Variants in CAMKMT observed in about 807,000 individuals in gnomAD.
CAMKMT encodes the protein calmodulin-lysine N-methyltransferase, also known as CaM KMT.
In CAMKMT, 53 loss-of-function variants were observed where a neutral mutation model predicts 48.0. That is an observed-to-expected ratio of 1.10 (90% CI 0.89 to 1.39). CAMKMT has a LOEUF of 1.39. Among genes scored for constraint, CAMKMT ranks in the 40% most tolerant of loss-of-function variants. The pLI, the probability that CAMKMT is intolerant of heterozygous loss-of-function variation, is 0.00. For missense variants in CAMKMT, 428 were observed against 402.7 expected, an observed-to-expected ratio of 1.06 and a Z score of -0.54; for synonymous variants, 165 against 152.3, an observed-to-expected ratio of 1.08 and a Z score of -0.61.
rs1679310647 is a variant in CAMKMT, at chr2:44,372,766, A to C, written c.189A>C (p.Arg63Ser). The C allele has an allele frequency of 3.7e-6, 6 of 1,613,732 alleles. No individual in the cohort carries two copies. The highest frequency in any genetic ancestry group is 5.1e-6 in the Non-Finnish European group (6 of 1,179,888). ...ATTGCCTGCGACATGTATCTGTAAG[A>C]AGATTTGAATCATTTAATCTGTTTT... The part of the protein sequence containing the change: ...LDDCLRHVSV[R>S]RFESFNLFSV... Residue 63 changes from arginine to serine, a missense_variant, in exon 2 of 11, where the codon AGA becomes AGC. Physicochemically the swap from Arg to Ser is moderately radical, Grantham distance 110. Transcript: ENST00000378494.
At chr2:44,593,330 T>C (rs1670427628) in intron 3 of CAMKMT, among the ~76,000 whole-genome samples, 1 of 152,236 alleles carries the variant, frequency 6.6e-6, no homozygotes, top group African/African-American at 2.4e-5. Context: ...TCCTGTAGTT[T>C]TCTCAGATAC....
At chr2:44,418,070 T>A (rs1683684964) in intron 3 of CAMKMT, among the ~76,000 whole-genome samples, 1 of 151,488 alleles carries the variant, frequency 6.6e-6, no homozygotes, top group Non-Finnish European at 1.5e-5. Context: ...CACGTGCCTA[T>A]AATCCCAAAT....
At chr2:44,552,745 A>G (rs890949277) in intron 3 of CAMKMT, among the ~76,000 whole-genome samples, 1 of 152,224 alleles carries the variant, frequency 6.6e-6, no homozygotes, top group Non-Finnish European at 1.5e-5. Flanking sequence ...GTCATATGGT[A>G]TGTGATGGTA....
intron 3 of CAMKMT, among the ~76,000 whole-genome samples, chr2:44,492,168 T>C (rs145203293): frequency 6.6e-6 from 1 of 152,104 alleles, no homozygotes; most frequent in Non-Finnish European, 1.5e-5. Context: ...ATAAAACATT[T>C]GAGTTTTTTT....
At position 44,599,470 on chromosome 2, in the gene CAMKMT, A is replaced by C. The variant is rs58135248; in HGVS notation, c.377-104813A>C. On this transcript the variant is annotated intron_variant, in intron 3 of 10. Coordinates refer to ENST00000378494, the MANE Select transcript of CAMKMT (RefSeq NM_024766.5). ...AGCTGGAAAAAATGTAGATACATCAATATCGTTTTCCTTTAGAGCCCATTT... is the reference window on the plus strand; with the variant it reads ...AGCTGGAAAAAATGTAGATACATCACTATCGTTTTCCTTTAGAGCCCATTT... Among the ~76,000 whole-genome samples the C allele has an allele frequency of 1.7e-3, 265 of 152,204 alleles. 2 individuals carry two copies. The highest frequency in any genetic ancestry group is 5.7e-3 in the African/African-American group (237 of 41,472).
chr2:44,768,702 C>T (rs1227686681), intron 10 of CAMKMT, among the ~76,000 whole-genome samples: 1 of 152,204 alleles, frequency 6.6e-6, no homozygotes, highest in Non-Finnish European at 1.5e-5. Flanking sequence ...CCGCCGGGAG[C>T]CTCCACCCTG....
At chr2:44,747,483 G>C (rs1306990129) in intron 8 of CAMKMT, among the ~76,000 whole-genome samples, 2 of 152,166 alleles carry the variant, frequency 1.3e-5, no homozygotes, top group African/African-American at 4.8e-5. Flanking sequence ...AATCACCCAA[G>C]ATTGCTCAAC....
chr2:44,426,665 A>G (rs1684295881), intron 3 of CAMKMT, among the ~76,000 whole-genome samples: 1 of 152,210 alleles, frequency 6.6e-6, no homozygotes, highest in Non-Finnish European at 1.5e-5. Context: ...TGCTGAAAGA[A>G]ATTATAGATG....
intron 3 of CAMKMT, among the ~76,000 whole-genome samples, chr2:44,458,077 C>T (rs1245475683): frequency 1.5e-5 from 2 of 135,980 alleles, no homozygotes; most frequent in South Asian, 2.3e-4. Context: ...GCCAGAGTCT[C>T]GCTCTGTTGC....
intron 3 of CAMKMT, among the ~76,000 whole-genome samples, chr2:44,420,514 C>G (rs1683861569): frequency 6.6e-6 from 1 of 151,856 alleles, no homozygotes; most frequent in Admixed American, 6.6e-5. Flanking sequence ...TGATGAAAAT[C>G]CATGTATATG....
chr2:44,652,512 A>G (rs780844754), intron 3 of CAMKMT, among the ~76,000 whole-genome samples: 26 of 152,308 alleles, frequency 1.7e-4, no homozygotes, highest in Non-Finnish European at 2.6e-4. Flanking sequence ...AAGCTTGATT[A>G]TGCCTCTATG....
At chr2:44,563,840 G>T (rs558898544) in intron 3 of CAMKMT, among the ~76,000 whole-genome samples, 119 of 152,280 alleles carry the variant, frequency 7.8e-4, no homozygotes, top group African/African-American at 2.7e-3. Context: ...ATTCCGTGGT[G>T]TATATGTGCC....
intron 3 of CAMKMT, among the ~76,000 whole-genome samples, chr2:44,392,735 G>A (rs979615032): frequency 2.0e-5 from 3 of 151,606 alleles, no homozygotes; most frequent in East Asian, 3.9e-4. Flanking sequence ...TTTCCTGGCC[G>A]ATTTTTTAAT....
intron 3 of CAMKMT, among the ~76,000 whole-genome samples, chr2:44,696,161 T>C (rs963788197): frequency 1.3e-5 from 2 of 152,162 alleles, no homozygotes; most frequent in Admixed American, 1.3e-4. Context: ...CAGGGTTGTC[T>C]TGAACTCCTG....
At chr2:44,708,119 T>TG (rs1340878336) in intron 6 of CAMKMT, among the ~76,000 whole-genome samples, 2 of 151,742 alleles carry the variant, frequency 1.3e-5, no homozygotes, top group Admixed American at 1.3e-4. Context: ...CAAGCATAAA[T>TG]GTAGCTACTT....
intron 2 of CAMKMT, among the ~76,000 whole-genome samples, chr2:44,374,346 C>G (rs1679472246): frequency 6.6e-6 from 1 of 151,950 alleles, no homozygotes; most frequent in Admixed American, 6.6e-5. Flanking sequence ...TTGATGTATT[C>G]CATTTCAAGT....
At chr2:44,474,459 A>AG in intron 3 of CAMKMT, among the ~76,000 whole-genome samples, 1 of 152,098 alleles carries the variant, frequency 6.6e-6, no homozygotes, top group East Asian at 1.9e-4. Context: ...AAAAAAAAAA[A>AG]AAAAGAAAAA....
intron 3 of CAMKMT, among the ~76,000 whole-genome samples, chr2:44,537,996 C>G (rs770710976): frequency 1.3e-5 from 2 of 152,160 alleles, no homozygotes; most frequent in African/African-American, 4.8e-5. Flanking sequence ...AAGGCACATG[C>G]ACACATGTGT....
chr2:44,749,242 G>A (rs1159158677), intron 8 of CAMKMT, among the ~76,000 whole-genome samples: 1 of 152,162 alleles, frequency 6.6e-6, no homozygotes, highest in Non-Finnish European at 1.5e-5. Flanking sequence ...CTTATAAGCT[G>A]CTCTCCTCAG....
Sources: gnomAD v4.1 joint callset for allele counts (sites outside exome capture counted in the v4.1 genomes callset) on GRCh38, gnomAD v4.1.1 for gene constraint, MANE v1.5 for transcripts, NCBI Gene and HGNC (gene_info 2026-07-23, HGNC 2026-07-21) for gene names.